The following STXBP5 variants were observed in gnomAD, a reference collection of about 807,000 sequenced individuals.
STXBP5 encodes the protein syntaxin-binding protein 5.
STXBP5 carries 50 observed loss-of-function variants against 152.4 expected under a neutral mutation model. That is an observed-to-expected ratio of 0.33 (90% confidence interval 0.26 to 0.42). The LOEUF is 0.42. STXBP5 is among the 10% of genes least tolerant of loss of function. STXBP5 has a pLI of 1.00. For missense variants in STXBP5, 1,167 were observed against 1,388.6 expected, an observed-to-expected ratio of 0.84 and a Z score of 2.54; for synonymous variants, 492 against 494.7, an observed-to-expected ratio of 0.99 and a Z score of 0.07.
rs199998235 is a variant in STXBP5 at position 147,310,077 on chromosome 6, T to G, written c.918-7T>G. The G allele has an allele frequency of 1.7e-5, 26 of 1,515,898 alleles. No homozygotes were observed. The highest frequency in any genetic ancestry group is 1.8e-6 in the Non-Finnish European group (2 of 1,134,708). 93.9% of individuals were successfully genotyped at this position (1,515,898 alleles called of 1,614,324 possible). On this transcript the variant is annotated splice_polypyrimidine_tract_variant and splice_region_variant and intron_variant, in intron 9 of 27. Transcript: ENST00000321680. ...ATTAATAATCTTAATATGTATTTTA[T>G]TTCCAGGGAGCCTTTTATTATTTTA...
rs187265721 is a variant in STXBP5, at chr6:147,385,181, T to C, written c.*426T>C. 6.0e-6 allele frequency: 1 copy of C among 165,836 alleles called. No individual in the cohort carries two copies. Among genetic ancestry groups the C allele is most frequent in the East Asian group, 1.8e-4 (1 of 5,472 alleles). 10.3% of individuals were successfully genotyped at this position (165,836 alleles called of 1,614,324 possible). On this transcript the variant is annotated 3_prime_UTR_variant, in exon 28 of 28. Transcript: ENST00000321680. Reference sequence around the variant, plus strand: ...AGAAGTCTTGAAGTTGAAATAGTTATATGTGTGTCATTGGACTGGATTATA... The same window carrying C: ...AGAAGTCTTGAAGTTGAAATAGTTACATGTGTGTCATTGGACTGGATTATA...
In STXBP5 at chr6:147,384,727, A is replaced by G. The variant is rs376397766; in HGVS notation, c.3428A>G (p.Tyr1143Cys). The change falls in exon 28 of 28, where the codon TAC becomes TGC. Residue 1143 changes from tyrosine (Y) to cysteine (C), a missense_variant. Tyr to Cys is a radical substitution (Grantham distance 194, BLOSUM62 -2). Coordinates refer to ENST00000321680, the MANE Select transcript of STXBP5 (RefSeq NM_001127715.4). ...TTCCCCCTTTAGATTATGTTGAAAT[A>G]CAAAGATAAGAAGTGGTACCAGTTC... is the stretch of plus-strand genomic sequence containing the variant. The part of the protein sequence containing the change: ...SKHAHEIMLK[Y>C]KDKKWYQF The G allele has an allele frequency of 1.9e-6, 3 of 1,612,006 alleles. No individual in the cohort carries two copies. The African/African-American group carries it at 4.0e-5, about 22-fold the overall frequency.
Position 147,339,385 on chromosome 6 carries a change from G to A in STXBP5, c.2254+1G>A. On this transcript the variant is annotated splice_donor_variant, in intron 21 of 27. Transcript: ENST00000321680. LOFTEE classifies it high-confidence loss of function. ...TCCAAGATGGTAGCCAATGATATAG[G>A]TAGGAAATAGAAATTTCTATTTTGT... The A allele has an allele frequency of 6.7e-7, 1 of 1,487,728 alleles. No homozygotes were observed. 92.2% of individuals were successfully genotyped at this position (1,487,728 alleles called of 1,614,324 possible). A position where few individuals can be genotyped will look rare whatever the true frequency, so the allele number is the denominator to read the frequency against.
At chr6:147,271,334 AG>A (rs1212951588) in intron 7 of STXBP5, among the ~76,000 whole-genome samples, 2 of 152,152 alleles carry the variant, frequency 1.3e-5, no homozygotes, top group Non-Finnish European at 2.9e-5. Flanking sequence ...TAGGTATCAG[AG>A]TGTTTCACCC....
In STXBP5 at chr6:147,373,714, T is replaced by A. The variant is rs779903905; in HGVS notation, c.3082-17T>A. On this transcript the variant is annotated splice_polypyrimidine_tract_variant and intron_variant, in intron 25 of 27. Transcript: ENST00000321680. ...TCCCTGAAATTTCAACAGTGACAAT[T>A]TGTTTTGATTTTAAAGGAAATGTTG... 5.0e-6 allele frequency: 8 copies of A among 1,590,324 alleles called. No homozygotes were observed. The South Asian group carries it at 8.9e-5, about 18-fold the overall frequency.
At chr6:147,291,782 A>G (rs1375053137) in intron 9 of STXBP5, among the ~76,000 whole-genome samples, 1 of 152,146 alleles carries the variant, frequency 6.6e-6, no homozygotes, top group Non-Finnish European at 1.5e-5. Flanking sequence ...AAGATTCCAC[A>G]TCTCTTTAAC....
At chr6:147,246,747 A>T (rs932720292) in intron 4 of STXBP5, among the ~76,000 whole-genome samples, 1 of 152,188 alleles carries the variant, frequency 6.6e-6, no homozygotes, top group Non-Finnish European at 1.5e-5. Context: ...TATATGAAAT[A>T]CATTAATAAT....
Position 147,378,675 on chromosome 6 carries a change from C to T in STXBP5, c.3194-4103C>T, listed in dbSNP as rs143256475. On this transcript the variant is annotated intron_variant, in intron 26 of 27. Transcript: ENST00000321680. ...CATTTGCAAATGATTGATATGATGA[C>T]ATATTTAGAAGAACCAAAAGAATCT... 8.3e-4 allele frequency among the ~76,000 whole-genome samples: 126 copies of T among 152,010 alleles called. 1 individual carries two copies. The highest frequency in any genetic ancestry group is 2.9e-3 in the African/African-American group (121 of 41,496).
chr6:147,314,948 T>G (rs1174847739), intron 14 of STXBP5, among the ~76,000 whole-genome samples: 2 of 152,158 alleles, frequency 1.3e-5, no homozygotes, highest in East Asian at 3.8e-4. Flanking sequence ...TAGAATAATT[T>G]TAATGCCTGA....
intron 21 of STXBP5, among the ~76,000 whole-genome samples, chr6:147,343,153 C>T (rs1784166891): frequency 6.6e-6 from 1 of 152,074 alleles, no homozygotes; most frequent in Admixed American, 6.6e-5. Flanking sequence ...ATTCTAGACA[C>T]TATACCAGGT....
chr6:147,312,171 A>G (rs1257628625), intron 11 of STXBP5, among the ~76,000 whole-genome samples: 1 of 152,176 alleles, frequency 6.6e-6, no homozygotes, highest in Admixed American at 6.6e-5. Flanking sequence ...AAAACTCTAT[A>G]TAACTTTCAA....
intron 25 of STXBP5, among the ~76,000 whole-genome samples, chr6:147,372,234 A>T (rs1030000927): frequency 2.8e-4 from 42 of 151,836 alleles, no homozygotes; most frequent in African/African-American, 9.7e-4. Flanking sequence ...GGGTGGAGGG[A>T]TAATGTTAAT....
At chr6:147,318,054 G>A (rs1416069281) in intron 16 of STXBP5, among the ~76,000 whole-genome samples, 1 of 151,746 alleles carries the variant, frequency 6.6e-6, no homozygotes, top group Non-Finnish European at 1.5e-5. Context: ...AACAGAATTA[G>A]AATGATTTAT....
At chr6:147,285,452 G>T (rs1021355775) in intron 8 of STXBP5, among the ~76,000 whole-genome samples, 2 of 148,654 alleles carry the variant, frequency 1.3e-5, no homozygotes, top group Non-Finnish European at 3.0e-5. Flanking sequence ...AAACATCTTG[G>T]TTGGAAAGAT....
intron 21 of STXBP5, 112 bp downstream of exon 21, chr6:147,339,496 C>T (rs1783994216): frequency 1.3e-6 from 1 of 782,482 alleles, no homozygotes. Context: ...TGTTCCTATG[C>T]TAAAAAAATA....
chr6:147,359,822 G>C (rs1446485281), intron 23 of STXBP5, among the ~76,000 whole-genome samples: 5 of 151,824 alleles, frequency 3.3e-5, no homozygotes. Flanking sequence ...AGTATTCCAT[G>C]GTGTATATGT....
At chr6:147,356,605 A>C (rs1290112484) in intron 22 of STXBP5, among the ~76,000 whole-genome samples, 1 of 151,986 alleles carries the variant, frequency 6.6e-6, no homozygotes, top group Non-Finnish European at 1.5e-5. Context: ...CATTTTTAGA[A>C]ACTACAGTTT....
intron 8 of STXBP5, among the ~76,000 whole-genome samples, chr6:147,286,981 A>T (rs1780996377): frequency 6.6e-6 from 1 of 151,602 alleles, no homozygotes; most frequent in Non-Finnish European, 1.5e-5. Context: ...TACAAAAATT[A>T]GGATTATGTT....
chr6:147,237,841 T>G (rs747662789), intron 3 of STXBP5, among the ~76,000 whole-genome samples: 1 of 152,170 alleles, frequency 6.6e-6, no homozygotes, highest in Non-Finnish European at 1.5e-5. Flanking sequence ...TACAATACCC[T>G]AAAAGATTGG....
Sources: gnomAD v4.1 joint callset for allele counts (sites outside exome capture counted in the v4.1 genomes callset) on GRCh38, gnomAD v4.1.1 for gene constraint, MANE v1.5 for transcripts, NCBI Gene and HGNC (gene_info 2026-07-23, HGNC 2026-07-21) for gene names.